ADAMTS9: variants seen among roughly 807,000 people sequenced by gnomAD.
ADAMTS9 encodes A disintegrin and metalloproteinase with thrombospondin motifs 9.
In ADAMTS9, 107 loss-of-function variants were observed where a neutral mutation model predicts 257.1. That is an observed-to-expected ratio of 0.42 (90% confidence interval 0.36 to 0.49). ADAMTS9 has a LOEUF of 0.49. ADAMTS9 is among the 20% of genes least tolerant of loss of function. The pLI is 0.03. For synonymous variants in ADAMTS9, 982 were observed against 880.9 expected (o/e 1.11, Z -2.03); for missense variants, 2,353 against 2,469.1 (o/e 0.95, Z 1.00).
chr3:64,666,637 T>C (rs1701359439), intron 3 of ADAMTS9, among the ~76,000 whole-genome samples: 1 of 124,704 alleles, frequency 8.0e-6, no homozygotes, highest in Non-Finnish European at 1.9e-5. Context: ...ATCTGTAAAA[T>C]GATGGTAATA....
At chr3:64,541,024 T>C (rs912188871) in intron 36 of ADAMTS9, 71 bp downstream of exon 36, 2 of 1,590,098 alleles carry the variant, frequency 1.3e-6, no homozygotes, top group Admixed American at 1.7e-5. Flanking sequence ...CTAGCCAATG[T>C]GCAAGACATG....
intron 32 of ADAMTS9, 144 bp downstream of exon 32, chr3:64,546,614 T>C: frequency 1.3e-6 from 1 of 776,178 alleles, no homozygotes; most frequent in Admixed American, 3.5e-5. Context: ...GTCCCTTTGA[T>C]CCCTGTTAGC....
intron 14 of ADAMTS9, 84 bp from the exon 15 acceptor site, chr3:64,632,009 G>A: frequency 9.4e-7 from 1 of 1,065,274 alleles, no homozygotes. Flanking sequence ...TTAATCGTGT[G>A]CACTAAAAAT....
chr3:64,615,348 T>G lies in ADAMTS9; in HGVS notation c.3162A>C (p.Pro1054=), dbSNP rs756345272. The change falls in exon 21 of 40, where the codon CCA becomes CCC. Residue 1054 remains proline, a synonymous_variant. Transcript: ENST00000498707. The part of the protein sequence containing the change: ...TIQRCSEFPC[P]QWKSGDWSEC... The stretch of plus-strand genomic sequence containing the variant: ...CTGACCAGTCTCCAGATTTCCACTG[T>G]GGACAAGGGAACTCACTGCACCTCT... 204 of 1,613,896 alleles carry G rather than the reference T, an allele frequency of 1.3e-4. No individual in the cohort carries two copies. Among genetic ancestry groups the G allele is most frequent in the Non-Finnish European group, 1.7e-4 (200 of 1,179,918 alleles).
intron 30 of ADAMTS9, among the ~76,000 whole-genome samples, chr3:64,558,991 G>A (rs1217292829): frequency 6.6e-6 from 1 of 152,132 alleles, no homozygotes; most frequent in Non-Finnish European, 1.5e-5. Flanking sequence ...TGTGAGAGGC[G>A]GTGGCAGCAA....
intron 28 of ADAMTS9, chr3:64,582,446 A>T (rs1197281668): frequency 6.6e-6 from 1 of 152,152 alleles, no homozygotes; most frequent in Non-Finnish European, 1.5e-5. Context: ...GACTTCTCTG[A>T]CTTAACAAAT....
At chr3:64,641,386 T>G (rs917679709) in intron 12 of ADAMTS9, among the ~76,000 whole-genome samples, 1 of 151,692 alleles carries the variant, frequency 6.6e-6, no homozygotes, top group Non-Finnish European at 1.5e-5. Flanking sequence ...TAGTTACATA[T>G]GTATACATGT....
rs768634483 is a variant in ADAMTS9 at position 64,631,793 on chromosome 3, G to A, written c.2293+15C>T. 6 of 1,591,432 alleles carry A rather than the reference G, an allele frequency of 3.8e-6. No homozygotes were observed. In the African/African-American group the frequency reaches 5.4e-5, roughly 14 times the overall value. ...ACCATATTCCTTCTCATGGTTCTTA[G>A]GAGCAGATTCTTACCATAATGTACT... is the stretch of plus-strand genomic sequence containing the variant. On this transcript the variant is annotated intron_variant, in intron 15 of 39. Coordinates refer to ENST00000498707, the MANE Select transcript of ADAMTS9 (RefSeq NM_182920.2).
intron 28 of ADAMTS9, among the ~76,000 whole-genome samples, chr3:64,575,764 A>G (rs1473108979): frequency 6.6e-6 from 1 of 152,122 alleles, no homozygotes; most frequent in Non-Finnish European, 1.5e-5. Flanking sequence ...ACTGTACCCA[A>G]TATCACTGTG....
chr3:64,577,972 C>T (rs1456028913), intron 28 of ADAMTS9, among the ~76,000 whole-genome samples: 1 of 152,212 alleles, frequency 6.6e-6, no homozygotes, highest in Non-Finnish European at 1.5e-5. Context: ...AGCATCTTTA[C>T]AGGCCAGCAT....
chr3:64,645,272 G>C (rs1700759134), intron 11 of ADAMTS9, among the ~76,000 whole-genome samples: 1 of 152,128 alleles, frequency 6.6e-6, no homozygotes, highest in South Asian at 2.1e-4. Context: ...TGGGGACTTG[G>C]AGGTTGATTT....
At chr3:64,572,122 A>G (rs1158955863) in intron 28 of ADAMTS9, among the ~76,000 whole-genome samples, 1 of 152,208 alleles carries the variant, frequency 6.6e-6, no homozygotes, top group Admixed American at 6.5e-5. Flanking sequence ...TTTGTGTAAC[A>G]GAATGATCTT....
intron 11 of ADAMTS9, among the ~76,000 whole-genome samples, chr3:64,642,428 AATT>A (rs1700669918): frequency 7.1e-6 from 1 of 141,564 alleles, no homozygotes; most frequent in South Asian, 2.1e-4. Context: ...TCCCAATTTT[AATT>A]ATATTGGAGA....
At chr3:64,681,133 A>G (rs1701743552) in intron 3 of ADAMTS9, 68 bp downstream of exon 3, 6 of 1,524,878 alleles carry the variant, frequency 3.9e-6, no homozygotes, top group Non-Finnish European at 5.3e-6. Context: ...AGAGAGCTAC[A>G]TCTCTGTAGT....
chr3:64,547,014 C>A, intron 31 of ADAMTS9, 62 bp from the exon 32 acceptor site: 1 of 1,424,066 alleles, frequency 7.0e-7, no homozygotes, highest in Non-Finnish European at 9.7e-7. Flanking sequence ...CCACAATAGG[C>A]CCCTGACCTC....
chr3:64,654,838 G>C (rs541348673), intron 6 of ADAMTS9, among the ~76,000 whole-genome samples: 1 of 152,124 alleles, frequency 6.6e-6, no homozygotes, highest in Admixed American at 6.5e-5. Flanking sequence ...TGGTCAGGGC[G>C]GTCACAGAGC....
At chr3:64,654,008 G>T (rs1316406421) in intron 8 of ADAMTS9, among the ~76,000 whole-genome samples, 1 of 152,174 alleles carries the variant, frequency 6.6e-6, no homozygotes, top group East Asian at 1.9e-4. Context: ...AATCAGGAAA[G>T]TTCTCTAGGC....
intron 10 of ADAMTS9, among the ~76,000 whole-genome samples, chr3:64,648,556 A>C (rs920551946): frequency 1.3e-5 from 2 of 152,200 alleles, no homozygotes; most frequent in Admixed American, 6.5e-5. Flanking sequence ...CACAATTTTA[A>C]AAGATTTTTT....
In ADAMTS9 at chr3:64,654,463, T is replaced by C. The variant is rs369893436; in HGVS notation, c.1211-5A>G. 33 of 1,613,530 alleles carry C rather than the reference T, an allele frequency of 2.0e-5. No homozygotes were observed. The highest frequency in any genetic ancestry group is 2.6e-5 in the Non-Finnish European group (31 of 1,179,906). ...TGGTTCCCAGTTCAGCCAGGCCTAT[T>C]AGAAGGAAAAAAACCAACAAGGATT... On this transcript the variant is annotated splice_polypyrimidine_tract_variant and splice_region_variant and intron_variant, in intron 7 of 39. Coordinates refer to ENST00000498707, the MANE Select transcript of ADAMTS9 (RefSeq NM_182920.2).
Sources: gnomAD v4.1 joint callset for allele counts (sites outside exome capture counted in the v4.1 genomes callset) on GRCh38, gnomAD v4.1.1 for gene constraint, MANE v1.5 for transcripts, NCBI Gene and HGNC (gene_info 2026-07-23, HGNC 2026-07-21) for gene names.